HIVEP3: variants seen among roughly 807,000 people sequenced by gnomAD.
HIVEP3 encodes HIVEP zinc finger 3.
In HIVEP3, 49 loss-of-function variants were observed where a neutral mutation model predicts 152.8. That is an observed-to-expected ratio of 0.32 (90% CI 0.26 to 0.41). The LOEUF (loss-of-function observed/expected upper bound fraction) is 0.41, where lower values mean the gene tolerates loss of function less well. HIVEP3 is among the 10% of genes least tolerant of loss of function. The pLI is 1.00. For missense variants in HIVEP3, 2,790 were observed against 3,103.3 expected (o/e 0.90, Z 2.40); for synonymous variants, 1,269 against 1,289.0 (o/e 0.98, Z 0.33).
chr1:41,598,363 G>T (rs773372942), intron 3 of HIVEP3, among the ~76,000 whole-genome samples: 1 of 152,122 alleles, frequency 6.6e-6, no homozygotes, highest in Non-Finnish European at 1.5e-5. Context: ...GGTAGTTAAG[G>T]TTCTTGTGTC....
chr1:41,992,280 G>A (rs1158582599), intron 1 of HIVEP3, among the ~76,000 whole-genome samples: 2 of 152,042 alleles, frequency 1.3e-5, no homozygotes, highest in African/African-American at 2.4e-5. Flanking sequence ...CTCCTTAAGC[G>A]ATAAGCAACT....
intron 1 of HIVEP3, among the ~76,000 whole-genome samples, chr1:41,927,330 G>A (rs4660585): frequency 0.8 from 121,918 of 152,120 alleles, 49,617 homozygotes; most frequent in East Asian, 0.96. Flanking sequence ...AACAAACTCT[G>A]TATGTGTGTT....
At chr1:41,930,273 T>C (rs1411086645) in intron 1 of HIVEP3, among the ~76,000 whole-genome samples, 2 of 152,196 alleles carry the variant, frequency 1.3e-5, no homozygotes, top group African/African-American at 4.8e-5. Flanking sequence ...TTACCTCATG[T>C]TGCTCCCTTG....
intron 2 of HIVEP3, among the ~76,000 whole-genome samples, chr1:41,683,376 G>A (rs1286168450): frequency 6.6e-6 from 1 of 152,200 alleles, no homozygotes; most frequent in African/African-American, 2.4e-5. Context: ...AACCCCCTAG[G>A]CCCTGTAACA....
At position 41,508,735 on chromosome 1, in the gene HIVEP3, T is replaced by G. The variant is rs1429075516; in HGVS notation, c.*1716A>C. 1 of 152,258 alleles carries G rather than the reference T, an allele frequency of 6.6e-6. No individual in the cohort carries two copies. The highest frequency in any genetic ancestry group is 1.5e-5 in the Non-Finnish European group (1 of 68,092). 9.4% of individuals were successfully genotyped at this position (152,258 alleles called of 1,614,324 possible). A position where few individuals can be genotyped will look rare whatever the true frequency, so the allele number is the denominator to read the frequency against. Reference sequence around the variant, plus strand: ...GGGTCTTAACCCTCCCCACCTACTGTGTCCTGTACCCAAGCAGCTTCAATA... The same window carrying G: ...GGGTCTTAACCCTCCCCACCTACTGGGTCCTGTACCCAAGCAGCTTCAATA... On this transcript the variant is annotated 3_prime_UTR_variant, in exon 9 of 9. Coordinates refer to ENST00000372583, the MANE Select transcript of HIVEP3 (RefSeq NM_024503.5).
At chr1:41,514,999 C>A (rs981524216) in intron 7 of HIVEP3, among the ~76,000 whole-genome samples, 5 of 152,210 alleles carry the variant, frequency 3.3e-5, no homozygotes, top group Non-Finnish European at 7.4e-5. Flanking sequence ...GGACAGCAAT[C>A]CGGATGCTGG....
At chr1:41,695,030 A>C (rs1294501903) in intron 2 of HIVEP3, among the ~76,000 whole-genome samples, 1 of 152,214 alleles carries the variant, frequency 6.6e-6, no homozygotes, top group Non-Finnish European at 1.5e-5. Flanking sequence ...TCCTGCTGTC[A>C]CTAAACCAAG....
chr1:41,694,290 C>T (rs769122459), intron 2 of HIVEP3, among the ~76,000 whole-genome samples: 4 of 152,152 alleles, frequency 2.6e-5, no homozygotes, highest in Non-Finnish European at 2.9e-5. Flanking sequence ...TCTCTCCCCA[C>T]TCAGCACTCG....
chr1:41,706,146 A>G (rs1646430113), intron 1 of HIVEP3, among the ~76,000 whole-genome samples: 10 of 152,308 alleles, frequency 6.6e-5, no homozygotes, highest in Admixed American at 5.9e-4. Flanking sequence ...TTGGGCTTCA[A>G]ATGATCTCAT....
chr1:41,937,384 A>G (rs75232305), intron 1 of HIVEP3, among the ~76,000 whole-genome samples: 210 of 152,288 alleles, frequency 1.4e-3, no homozygotes, highest in African/African-American at 4.5e-3. Context: ...GTGAGACACA[A>G]AGAAACTTTT....
At chr1:41,810,820 T>C (rs1288479253) in intron 1 of HIVEP3, among the ~76,000 whole-genome samples, 2 of 152,262 alleles carry the variant, frequency 1.3e-5, no homozygotes, top group African/African-American at 4.8e-5. Context: ...TTCTAACTTT[T>C]CACCTCCAAT....
chr1:41,717,968 C>G (rs1284200294), intron 1 of HIVEP3, among the ~76,000 whole-genome samples: 2 of 152,208 alleles, frequency 1.3e-5, no homozygotes, highest in Non-Finnish European at 2.9e-5. Context: ...CTGGAGCCTG[C>G]ATTCTAGTGG....
intron 1 of HIVEP3, among the ~76,000 whole-genome samples, chr1:41,996,373 G>C (rs1645395884): frequency 6.8e-6 from 1 of 146,602 alleles, no homozygotes; most frequent in Non-Finnish European, 1.5e-5. Flanking sequence ...CTGGGTGACA[G>C]AGCAAGAACC....
chr1:41,918,369 G>A lies in HIVEP3; in HGVS notation c.-801+44C>T. The stretch of plus-strand genomic sequence containing the variant: ...AAACACAATCACAAGGTAAAATACA[G>A]CGCAAGGAATCCATCCGCCGAATAA... On this transcript the variant is annotated intron_variant, in intron 1 of 8. Coordinates refer to ENST00000372583, the MANE Select transcript of HIVEP3 (RefSeq NM_024503.5). This position sits in a 1 kb window ranked among gnomAD's most constrained non-coding sequence, Gnocchi z 4.3. The A allele has an allele frequency of 6.6e-6, 1 of 152,296 alleles. No individual in the cohort carries two copies. Among genetic ancestry groups the A allele is most frequent in the African/African-American group, 2.4e-5 (1 of 41,444 alleles). The allele number at this position is 152,296 out of a possible 1,614,324, so 9.4% of individuals were successfully genotyped here.
chr1:41,791,696 G>A (rs993481502), intron 1 of HIVEP3, among the ~76,000 whole-genome samples: 4 of 152,138 alleles, frequency 2.6e-5, no homozygotes, highest in East Asian at 1.9e-4. Flanking sequence ...AAACTCTTAT[G>A]TGTTTAAGCC....
At chr1:41,555,462 G>A (rs1385110470) in intron 5 of HIVEP3, among the ~76,000 whole-genome samples, 2 of 152,178 alleles carry the variant, frequency 1.3e-5, no homozygotes, top group East Asian at 1.9e-4. Context: ...CGGGTGAGGC[G>A]ATGCCCTGCC....
At chr1:41,530,672 C>G (rs900366575) in intron 5 of HIVEP3, among the ~76,000 whole-genome samples, 2 of 152,198 alleles carry the variant, frequency 1.3e-5, no homozygotes, top group South Asian at 2.1e-4. Flanking sequence ...TTCAGCCTAG[C>G]CTTCACCCTG....
intron 1 of HIVEP3, among the ~76,000 whole-genome samples, chr1:41,753,048 T>C (rs1353380797): frequency 6.6e-6 from 1 of 152,228 alleles, no homozygotes; most frequent in East Asian, 1.9e-4. Context: ...AAAGCGGTTG[T>C]ATTCTATCAA....
intron 3 of HIVEP3, among the ~76,000 whole-genome samples, chr1:41,615,364 GC>G (rs775741295): frequency 9.2e-5 from 14 of 152,322 alleles, no homozygotes; most frequent in Middle Eastern, 3.4e-3. Flanking sequence ...CACTGGGGCT[GC>G]CCCCCATCTC....
Sources: gnomAD v4.1 joint callset for allele counts (sites outside exome capture counted in the v4.1 genomes callset) on GRCh38, gnomAD v4.1.1 for gene constraint, Gnocchi (gnomAD v3.1) non-coding constraint, MANE v1.5 for transcripts, NCBI Gene and HGNC (gene_info 2026-07-23, HGNC 2026-07-21) for gene names.